Variants in PPFIBP2 observed in about 807,000 individuals in gnomAD.
The protein encoded by PPFIBP2 is PPFIB scaffold protein 2, also known as liprin-beta-2.
PPFIBP2 carries 118 observed loss-of-function variants against 118.3 expected under a neutral mutation model. The ratio of observed to expected loss-of-function variants is 1.00; its 90% CI spans 0.86 to 1.16. The LOEUF (loss-of-function observed/expected upper bound fraction) is 1.16, where lower values mean the gene tolerates loss of function less well. Ranked by LOEUF, PPFIBP2 falls within the 50% of genes most tolerant of loss-of-function variation. PPFIBP2 has a pLI of 0.00. For synonymous variants in PPFIBP2, 414 were observed against 397.4 expected (o/e 1.04, Z -0.50); for missense variants, 1,195 against 1,073.1 (o/e 1.11, Z -1.59).
Position 7,540,401 on chromosome 11 carries a change from G to C in PPFIBP2, c.-36-9039G>C, listed in dbSNP as rs77664621. On this transcript the variant is annotated intron_variant, in intron 1 of 23. Transcript: ENST00000299492. ...CCGGATCTGGTGCCCAGTTGGATGT[G>C]GGTAACAAAAGGGAAGGTCCAAGGC... is the stretch of plus-strand genomic sequence containing the variant. Among the ~76,000 whole-genome samples, 872 of 152,218 alleles carry C rather than the reference G, an allele frequency of 5.7e-3. 12 individuals carry two copies. Among genetic ancestry groups the C allele is most frequent in the African/African-American group, 0.02 (817 of 41,526 alleles).
chr11:7,571,048 G>A (rs1361783111), intron 3 of PPFIBP2, among the ~76,000 whole-genome samples: 1 of 152,170 alleles, frequency 6.6e-6, no homozygotes, highest in Non-Finnish European at 1.5e-5. Context: ...CTTGATGGAG[G>A]CCCACATCTC....
intron 18 of PPFIBP2, 30 bp downstream of exon 18, chr11:7,648,567 C>A: frequency 1.2e-6 from 2 of 1,609,542 alleles, no homozygotes; most frequent in Non-Finnish European, 1.7e-6. Context: ...AGAGGAGGCT[C>A]CCATTTCTCC....
intron 17 of PPFIBP2, among the ~76,000 whole-genome samples, chr11:7,646,638 T>C (rs941837804): frequency 4.6e-5 from 7 of 152,182 alleles, no homozygotes; most frequent in Non-Finnish European, 7.4e-5. Context: ...GGCAGGAGGA[T>C]TGCTTGAGCC....
chr11:7,531,486 C>T (rs1850680993), intron 1 of PPFIBP2, among the ~76,000 whole-genome samples: 1 of 152,146 alleles, frequency 6.6e-6, no homozygotes. Flanking sequence ...ACAAAGAATA[C>T]AGATAAAGGA....
At chr11:7,657,441 G>A (rs767206718), downstream of PPFIBP2, among the ~76,000 whole-genome samples, 15 of 152,060 alleles carry the variant, frequency 9.9e-5, no homozygotes, top group Non-Finnish European at 1.9e-4. Flanking sequence ...TCCCCAACAC[G>A]TGCACACCCT....
intron 5 of PPFIBP2, among the ~76,000 whole-genome samples, chr11:7,598,663 A>G (rs1033968135): frequency 1.3e-5 from 2 of 152,232 alleles, no homozygotes; most frequent in Non-Finnish European, 2.9e-5. Context: ...TTACTTAAAG[A>G]ACAAAAGTTT....
intron 2 of PPFIBP2, among the ~76,000 whole-genome samples, chr11:7,550,857 C>T (rs1038647896): frequency 1.3e-5 from 2 of 152,102 alleles, no homozygotes; most frequent in Admixed American, 6.6e-5. Flanking sequence ...ACTAGCTTAG[C>T]CTCCCAGCCT....
At chr11:7,607,211 T>A (rs1847489199) in intron 5 of PPFIBP2, among the ~76,000 whole-genome samples, 2 of 114,566 alleles carry the variant, frequency 1.7e-5, no homozygotes, top group Non-Finnish European at 1.8e-5. Flanking sequence ...CGCCCGGCCT[T>A]TTTTTTTTTT....
the PPFIBP2 span, chr11:7,665,351 A>G: frequency 7.2e-5 from 107 of 1,485,118 alleles, no homozygotes; most frequent in Non-Finnish European, 9.0e-5. Context: ...GGGACATGCA[A>G]AATTGCTGAG....
intron 1 of PPFIBP2, among the ~76,000 whole-genome samples, chr11:7,533,506 G>C (rs1157030945): frequency 6.6e-6 from 1 of 152,200 alleles, no homozygotes; most frequent in Admixed American, 6.5e-5. Context: ...AGACAGGGAG[G>C]CAGACACATT....
chr11:7,640,496 C>T (rs151124256), intron 15 of PPFIBP2, among the ~76,000 whole-genome samples: 3 of 152,316 alleles, frequency 2.0e-5, no homozygotes, highest in Admixed American at 1.3e-4. Flanking sequence ...GATTCAATGG[C>T]CCCGGAAGGG....
At chr11:7,557,007 G>T (rs1853712512) in intron 2 of PPFIBP2, among the ~76,000 whole-genome samples, 2 of 152,306 alleles carry the variant, frequency 1.3e-5, no homozygotes, top group Middle Eastern at 3.4e-3. Flanking sequence ...AAAATTCATA[G>T]CCATTTTCTT....
chr11:7,654,204 T>C (rs1854474041), downstream of PPFIBP2, among the ~76,000 whole-genome samples: 1 of 152,224 alleles, frequency 6.6e-6, no homozygotes. Context: ...GGCTGGTCTG[T>C]CTGCTGGCAG....
At chr11:7,650,589 A>T (rs906169717) in intron 21 of PPFIBP2, among the ~76,000 whole-genome samples, 1 of 152,238 alleles carries the variant, frequency 6.6e-6, no homozygotes, top group Non-Finnish European at 1.5e-5. Flanking sequence ...GTTAGCTGGA[A>T]AATGATGGAG....
At position 7,549,614 on chromosome 11, in the gene PPFIBP2, T is replaced by C. The variant is rs1852727094; in HGVS notation, c.64+75T>C. The C allele has an allele frequency of 3.7e-6, 5 of 1,363,028 alleles. No homozygotes were observed. In the South Asian group the frequency reaches 6.4e-5, roughly 18 times the overall value. 84.4% of individuals were successfully genotyped at this position (1,363,028 alleles called of 1,614,324 possible). On this transcript the variant is annotated intron_variant, in intron 2 of 23. Transcript: ENST00000299492. ...GAACTGCTTCTCTCCTTTTACTTTT[T>C]TTTTTTTTTTTGGCATAGAGAAAAT... is the stretch of plus-strand genomic sequence containing the variant.
At chr11:7,535,271 C>T (rs1358136859) in intron 1 of PPFIBP2, among the ~76,000 whole-genome samples, 1 of 152,198 alleles carries the variant, frequency 6.6e-6, no homozygotes, top group Non-Finnish European at 1.5e-5. Flanking sequence ...CTTGCCTGAG[C>T]ATTGAAAAAT....
chr11:7,587,771 A>T (rs1300405608), intron 3 of PPFIBP2, among the ~76,000 whole-genome samples: 1 of 152,230 alleles, frequency 6.6e-6, no homozygotes, highest in African/African-American at 2.4e-5. Context: ...CAGAGGAAGG[A>T]TTTCAACAAG....
downstream of PPFIBP2, among the ~76,000 whole-genome samples, chr11:7,656,003 A>G (rs1854651531): frequency 6.6e-6 from 1 of 152,170 alleles, no homozygotes; most frequent in South Asian, 2.1e-4. Context: ...ATGGGGAAGC[A>G]GTTTGGCCTC....
intron 21 of PPFIBP2, among the ~76,000 whole-genome samples, chr11:7,649,890 A>C (rs754009505): frequency 1.3e-5 from 2 of 152,180 alleles, no homozygotes; most frequent in Non-Finnish European, 1.5e-5. Context: ...ACATGCTATA[A>C]AGTCATCATA....
Sources: gnomAD v4.1 joint callset for allele counts (sites outside exome capture counted in the v4.1 genomes callset) on GRCh38, gnomAD v4.1.1 for gene constraint, MANE v1.5 for transcripts, NCBI Gene and HGNC (gene_info 2026-07-23, HGNC 2026-07-21) for gene names.